Variants in TTLL5 observed in about 807,000 individuals in gnomAD.
The protein encoded by TTLL5 is tubulin polyglutamylase TTLL5.
Under a neutral mutation model 168.4 loss-of-function variants are expected in TTLL5, and 132 were observed. The observed-to-expected ratio is 0.78, with a 90% CI of 0.68 to 0.91. The LOEUF is 0.91. TTLL5 is among the 40% of genes least tolerant of loss of function. The pLI is 0.00. For synonymous variants in TTLL5, 546 were observed against 558.6 expected (o/e 0.98, Z 0.32); for missense variants, 1,545 against 1,581.5 (o/e 0.98, Z 0.39).
In TTLL5 at chr14:75,705,695, C is replaced by T. The variant is rs539514313; in HGVS notation, c.586-1323C>T. On this transcript the variant is annotated intron_variant, in intron 7 of 31. Transcript: ENST00000298832. The stretch of plus-strand genomic sequence containing the variant: ...ACTTGGCACATCCACGTGTTTAGTA[C>T]ATTTGTTAAATTTTGTGTCTGCAAA... Among the ~76,000 whole-genome samples the T allele has an allele frequency of 5.9e-5, 9 of 152,288 alleles. No individual in the cohort carries two copies. The East Asian group carries it at 1.2e-3, about 20-fold the overall frequency.
intron 30 of TTLL5, 63 bp downstream of exon 30, chr14:75,882,965 A>C (rs2031896583): frequency 1.3e-6 from 2 of 1,532,560 alleles, no homozygotes; most frequent in Non-Finnish European, 1.8e-6. Flanking sequence ...AGTACTCTTT[A>C]TTTATTACTC....
chr14:75,722,377 T>C (rs1413736671), intron 12 of TTLL5, among the ~76,000 whole-genome samples: 1 of 152,020 alleles, frequency 6.6e-6, no homozygotes, highest in Non-Finnish European at 1.5e-5. Context: ...TCTCGAGTAG[T>C]TGGGACTATA....
At chr14:75,760,895 A>G (rs1890595311) in intron 18 of TTLL5, among the ~76,000 whole-genome samples, 1 of 152,124 alleles carries the variant, frequency 6.6e-6, no homozygotes, top group Admixed American at 6.5e-5. Context: ...ATAATGTTAT[A>G]TTTTCTCAAG....
chr14:75,950,639 A>G (rs999821960), intron 31 of TTLL5, among the ~76,000 whole-genome samples: 1 of 152,180 alleles, frequency 6.6e-6, no homozygotes, highest in African/African-American at 2.4e-5. Flanking sequence ...ATACTGTTTT[A>G]TTTTTTATGT....
At chr14:75,820,938 A>T (rs1357627043) in intron 28 of TTLL5, among the ~76,000 whole-genome samples, 2 of 152,070 alleles carry the variant, frequency 1.3e-5, no homozygotes, top group African/African-American at 4.8e-5. Flanking sequence ...AAGTATTTTG[A>T]CCAGCTGAGA....
At chr14:75,681,398 A>G (rs974783057) in intron 3 of TTLL5, 147 bp from the exon 4 acceptor site, 4 of 618,020 alleles carry the variant, frequency 6.5e-6, no homozygotes, top group Non-Finnish European at 1.1e-5. Flanking sequence ...TTAAGAACTC[A>G]TGGTCCAAAA....
At position 75,764,625 on chromosome 14, in the gene TTLL5, G is replaced by A; in HGVS notation, c.1561G>A (p.Asp521Asn). 6.2e-7 allele frequency: 1 copy of A among 1,614,090 alleles called. No homozygotes were observed. The highest frequency in any genetic ancestry group is 8.5e-7 in the Non-Finnish European group (1 of 1,179,944). ...TTGCTTTTCCCCTAGAATGACTGCT[G>A]ATGGAGCGCCAGAATTGAAGATAGA... ...TRLFQDRMTA[D>N]GAPELKIESL... Residue 521 changes from aspartate to asparagine, a missense_variant, in exon 19 of 32, where the codon GAT (aspartate) becomes AAT (asparagine). Physicochemically the swap from Asp to Asn is conservative, Grantham distance 23. Coordinates refer to ENST00000298832, the MANE Select transcript of TTLL5 (RefSeq NM_015072.5).
Position 75,705,902 on chromosome 14 carries a change from T to C in TTLL5, c.586-1116T>C, listed in dbSNP as rs145110629. Among the ~76,000 whole-genome samples, 161 of 152,240 alleles carry C rather than the reference T, an allele frequency of 1.1e-3. 1 individual carries two copies. The highest frequency in any genetic ancestry group is 3.7e-3 in the African/African-American group (152 of 41,524). Reference sequence around the variant, plus strand: ...TTTTAATCTTGCTGTTTCCTTAATCTAGAATCCACAATAATTTCCTGCTTC... The same window carrying C: ...TTTTAATCTTGCTGTTTCCTTAATCCAGAATCCACAATAATTTCCTGCTTC... On this transcript the variant is annotated intron_variant, in intron 7 of 31. Transcript: ENST00000298832.
At chr14:75,847,498 AACT>A (rs1566629258) in intron 28 of TTLL5, among the ~76,000 whole-genome samples, 1 of 16,608 alleles carries the variant, frequency 6.0e-5, no homozygotes, top group African/African-American at 1.1e-4. Flanking sequence ...TATGTACCTT[AACT>A]TATGTACCTT....
At chr14:75,873,276 G>A (rs1029143200) in intron 29 of TTLL5, among the ~76,000 whole-genome samples, 25 of 151,892 alleles carry the variant, frequency 1.6e-4, no homozygotes, top group Middle Eastern at 3.2e-3. Flanking sequence ...GGGTTTCACC[G>A]TGTTAGCCAG....
At chr14:75,731,461 C>T (rs1048961344) in intron 12 of TTLL5, among the ~76,000 whole-genome samples, 3 of 150,630 alleles carry the variant, frequency 2.0e-5, no homozygotes, top group Non-Finnish European at 4.4e-5. Flanking sequence ...GAGGAAGTCT[C>T]AGTAATAATA....
chr14:75,843,646 A>G (rs914352656), intron 28 of TTLL5, among the ~76,000 whole-genome samples: 1 of 152,218 alleles, frequency 6.6e-6, no homozygotes, highest in African/African-American at 2.4e-5. Flanking sequence ...GCAGTTAGCT[A>G]TGCCTCGGTT....
intron 12 of TTLL5, chr14:75,727,691 G>A (rs569275228): frequency 1.2e-5 from 4 of 327,212 alleles, no homozygotes; most frequent in South Asian, 1.0e-4. Flanking sequence ...TGATAAATCT[G>A]CCTGAAAACA....
intron 28 of TTLL5, among the ~76,000 whole-genome samples, chr14:75,851,263 C>A (rs533012439): frequency 1.1e-4 from 16 of 152,140 alleles, no homozygotes; most frequent in South Asian, 2.1e-4. Context: ...GAAGAATATA[C>A]GTCAACATGG....
intron 31 of TTLL5, among the ~76,000 whole-genome samples, chr14:75,910,323 G>A (rs2140109264): frequency 6.6e-6 from 1 of 152,250 alleles, no homozygotes; most frequent in South Asian, 2.1e-4. Context: ...TTAGAATTGT[G>A]CCTACTCCTA....
At chr14:75,790,963 G>T (rs527846675) in intron 26 of TTLL5, among the ~76,000 whole-genome samples, 29 of 148,264 alleles carry the variant, frequency 2.0e-4, no homozygotes, top group African/African-American at 6.9e-4. Flanking sequence ...AAAATTACCC[G>T]GGCCTGGTGG....
At chr14:75,943,024 A>T (rs1434908363) in intron 31 of TTLL5, among the ~76,000 whole-genome samples, 1 of 152,240 alleles carries the variant, frequency 6.6e-6, no homozygotes, top group Non-Finnish European at 1.5e-5. Context: ...TTTCCAGGCC[A>T]AGCCATTAAA....
chr14:75,913,515 A>G (rs2033472641), intron 31 of TTLL5, among the ~76,000 whole-genome samples: 1 of 152,192 alleles, frequency 6.6e-6, no homozygotes. Context: ...CTAAAACTCT[A>G]GGGTCTAGCA....
intron 18 of TTLL5, among the ~76,000 whole-genome samples, chr14:75,758,635 A>G (rs1890432165): frequency 6.6e-6 from 1 of 152,192 alleles, no homozygotes; most frequent in South Asian, 2.1e-4. Flanking sequence ...AAGCTGGCAT[A>G]TGATAGACCA....
Sources: gnomAD v4.1 joint callset for allele counts (sites outside exome capture counted in the v4.1 genomes callset) on GRCh38, gnomAD v4.1.1 for gene constraint, MANE v1.5 for transcripts, NCBI Gene and HGNC (gene_info 2026-07-23, HGNC 2026-07-21) for gene names.